The following DYNLT2 variants were observed in gnomAD, a reference collection of about 807,000 sequenced individuals.
DYNLT2 encodes dynein light chain Tctex-type 2.
DYNLT2 carries 24 observed loss-of-function variants against 24.3 expected under a neutral mutation model. That is an observed-to-expected ratio of 0.99 (90% CI 0.71 to 1.39). The LOEUF (loss-of-function observed/expected upper bound fraction) is 1.39, where lower values mean the gene tolerates loss of function less well. DYNLT2 is among the 40% of genes most tolerant of loss of function. The pLI, the probability that DYNLT2 is intolerant of heterozygous loss-of-function variation, is 0.00. For missense variants in DYNLT2, 246 were observed against 234.5 expected (o/e 1.05, Z -0.32); for synonymous variants, 85 against 85.4 (o/e 1.00, Z 0.03).
downstream of DYNLT2, chr6:169,738,726 C>G (rs985703158): frequency 1.3e-5 from 2 of 152,344 alleles, no homozygotes; most frequent in Non-Finnish European, 1.5e-5. Flanking sequence ...TCTAGTCGGC[C>G]GTCTTGGCCC....
Position 169,743,091 on chromosome 6 carries a change from G to T in DYNLT2, c.475C>A (p.Gln159Lys), listed in dbSNP as rs1585318266. 1 of 1,561,316 alleles carries T rather than the reference G, an allele frequency of 6.4e-7. No homozygotes were observed. Among genetic ancestry groups the T allele is most frequent in the East Asian group, 2.3e-5 (1 of 43,814 alleles). ...AATGGGGTACTTACATTTATTGCTT[G>T]GCCAGTCTTTTGAATAAATAATACT... ...IKVLFIQKTGQAINIASRWIW... is the reference protein window; with the variant it reads ...IKVLFIQKTGKAINIASRWIW... The change falls in exon 3 of 4, where the codon CAA (glutamine) becomes AAA (lysine). Residue 159 changes from glutamine (Q) to lysine (K), a missense_variant. Transcript: ENST00000366774.
chr6:169,751,477 A>T lies in DYNLT2; in HGVS notation c.-19T>A. ...TCTCCATCTCGCTCTGTTCTCCAAG[A>T]CGCCCACCGCCTCCCCTTCACCGCC... On this transcript the variant is annotated 5_prime_UTR_variant, in exon 1 of 4. Transcript: ENST00000366774. The T allele has an allele frequency of 6.2e-7, 1 of 1,611,960 alleles. No individual in the cohort carries two copies. Among genetic ancestry groups the T allele is most frequent in the South Asian group, 1.1e-5 (1 of 90,974 alleles).
At chr6:169,740,504 T>C (rs1013075584) in intron 3 of DYNLT2, among the ~76,000 whole-genome samples, 11 of 152,152 alleles carry the variant, frequency 7.2e-5, no homozygotes, top group Admixed American at 1.3e-4. Context: ...CTGGCCTTTC[T>C]CTAAACAGAG....
the DYNLT2 span, among the ~76,000 whole-genome samples, chr6:169,733,506 C>G: frequency 6.6e-6 from 1 of 152,158 alleles, no homozygotes; most frequent in Non-Finnish European, 1.5e-5. Context: ...CTGCATATGG[C>G]TAGCCAGTTT....
the DYNLT2 span, chr6:169,725,466 G>T: frequency 5.0e-6 from 2 of 397,238 alleles, no homozygotes; most frequent in East Asian, 7.1e-5. Context: ...CCCTCAAGCC[G>T]ATCCTAATCC....
At chr6:169,729,309 G>A in the DYNLT2 span, among the ~76,000 whole-genome samples, 9 of 152,034 alleles carry the variant, frequency 5.9e-5, no homozygotes, top group East Asian at 1.7e-3. Context: ...TGTAGGCCGA[G>A]GTCTCATCCT....
At chr6:169,751,076 T>C in intron 1 of DYNLT2, 1 of 400,454 alleles carries the variant, frequency 2.5e-6, no homozygotes, top group Non-Finnish European at 4.4e-6. Context: ...AAAGAAGATC[T>C]TGTAACCACC....
At chr6:169,725,204 A>C in the DYNLT2 span, 1 of 398,712 alleles carries the variant, frequency 2.5e-6, no homozygotes, top group Non-Finnish European at 4.4e-6. Context: ...CCCGCCGTAC[A>C]GCTGGCCTCA....
chr6:169,743,016 A>G, intron 3 of DYNLT2, 64 bp downstream of exon 3: 1 of 1,298,428 alleles, frequency 7.7e-7, no homozygotes. Flanking sequence ...ATAAAAATCA[A>G]ATCACTAGGG....
chr6:169,729,184 G>A, the DYNLT2 span, among the ~76,000 whole-genome samples: 57 of 152,038 alleles, frequency 3.7e-4, 1 homozygote, highest in Admixed American at 1.1e-3. Context: ...TCTTTATATC[G>A]GCCATAATTT....
Position 169,744,146 on chromosome 6 carries a change from A to AT in DYNLT2, c.248_249insA (p.Phe83LeufsTer3), listed in dbSNP as rs1262632588. ...ATGGCTCCATTCTATATGAATTAGC[A>AT]AACTTTAATTTTGCCAGGGCACTCT... On this transcript the variant is annotated frameshift_variant, in exon 2 of 4. Transcript: ENST00000366774. LOFTEE classifies it high-confidence loss of function. 1 of 1,613,330 alleles carries AT rather than the reference A, an allele frequency of 6.2e-7. No individual in the cohort carries two copies. The highest frequency in any genetic ancestry group is 2.2e-5 in the East Asian group (1 of 44,866).
intron 1 of DYNLT2, among the ~76,000 whole-genome samples, chr6:169,747,742 C>A (rs1789841427): frequency 6.6e-6 from 1 of 152,114 alleles, no homozygotes; most frequent in Non-Finnish European, 1.5e-5. Flanking sequence ...TCTGTTTATA[C>A]TAATTCTATT....
At chr6:169,741,606 T>C (rs1356690701) in intron 3 of DYNLT2, among the ~76,000 whole-genome samples, 2 of 152,180 alleles carry the variant, frequency 1.3e-5, no homozygotes, top group African/African-American at 4.8e-5. Context: ...CTGCACATCA[T>C]GCCACTATCT....
intron 1 of DYNLT2, among the ~76,000 whole-genome samples, chr6:169,748,998 T>A (rs921967334): frequency 2.6e-5 from 4 of 152,220 alleles, no homozygotes; most frequent in African/African-American, 9.7e-5. Flanking sequence ...TCTACTGATA[T>A]AGCATTTCCT....
downstream of DYNLT2, among the ~76,000 whole-genome samples, chr6:169,735,580 A>C (rs567722809): frequency 1.3e-5 from 2 of 152,088 alleles, no homozygotes; most frequent in South Asian, 2.1e-4. Flanking sequence ...AACTTCCATG[A>C]AATTGTGTGG....
the DYNLT2 span, among the ~76,000 whole-genome samples, chr6:169,726,497 A>G: frequency 6.6e-6 from 1 of 152,230 alleles, no homozygotes; most frequent in Non-Finnish European, 1.5e-5. Context: ...AGGTACATCA[A>G]TCGTTCCAGT....
chr6:169,743,093 C>A lies in DYNLT2; in HGVS notation c.473G>T (p.Gly158Val). The change falls in exon 3 of 4, where the codon GGC (glycine) becomes GTC (valine). Residue 158 changes from glycine to valine, a missense_variant. Gly to Val is a moderately radical substitution (Grantham distance 109). Coordinates refer to ENST00000366774, the MANE Select transcript of DYNLT2 (RefSeq NM_174910.3). Reference protein sequence around the residue: ...IIKVLFIQKTGQAINIASRWI... With the variant: ...IIKVLFIQKTVQAINIASRWI... ...TGGGGTACTTACATTTATTGCTTGGCCAGTCTTTTGAATAAATAATACTTT... is the reference window on the plus strand; with the variant it reads ...TGGGGTACTTACATTTATTGCTTGGACAGTCTTTTGAATAAATAATACTTT... 1 of 1,560,740 alleles carries A rather than the reference C, an allele frequency of 6.4e-7. No individual in the cohort carries two copies. The highest frequency in any genetic ancestry group is 1.2e-5 in the South Asian group (1 of 82,348).
downstream of DYNLT2, among the ~76,000 whole-genome samples, chr6:169,738,103 T>A (rs1398186194): frequency 1.3e-5 from 2 of 152,168 alleles, no homozygotes; most frequent in Non-Finnish European, 2.9e-5. Context: ...ACAGCTGGTG[T>A]GTTGGGCTGT....
downstream of DYNLT2, among the ~76,000 whole-genome samples, chr6:169,735,638 G>A (rs940766610): frequency 4.6e-5 from 7 of 152,164 alleles, no homozygotes; most frequent in East Asian, 1.9e-4. Context: ...TTGCACTGTC[G>A]TCTGAAAGAC....
Sources: allele counts gnomAD v4.1 joint callset (sites outside exome capture counted in the v4.1 genomes callset), GRCh38; gene constraint gnomAD v4.1.1; transcripts MANE v1.5; gene names NCBI Gene and HGNC (gene_info 2026-07-23, HGNC 2026-07-21).